Variants in TTC17 observed in about 807,000 individuals in gnomAD.
The protein encoded by TTC17 is tetratricopeptide repeat domain 17.
Under a neutral mutation model 143.8 loss-of-function variants are expected in TTC17, and 58 were observed. That is an observed-to-expected ratio of 0.40 (90% confidence interval 0.33 to 0.50). TTC17 has a LOEUF of 0.50. Ranked by LOEUF, TTC17 falls within the 20% of genes least tolerant of loss-of-function variation. TTC17 has a pLI of 0.49. For missense variants in TTC17, 1,273 were observed against 1,392.5 expected (o/e 0.91, Z 1.37); for synonymous variants, 501 against 497.8 (o/e 1.01, Z -0.09).
At chr11:43,361,970 CATT>C (rs1399351827) in intron 1 of TTC17, among the ~76,000 whole-genome samples, 1 of 149,710 alleles carries the variant, frequency 6.7e-6, no homozygotes, top group African/African-American at 2.5e-5. Context: ...GTCCAACCAT[CATT>C]ATAACTTTTT....
At chr11:43,422,550 A>G (rs920849461) in intron 16 of TTC17, among the ~76,000 whole-genome samples, 2 of 152,242 alleles carry the variant, frequency 1.3e-5, no homozygotes, top group African/African-American at 4.8e-5. Context: ...TTTAAAGGTC[A>G]GGAAGAAAAA....
intron 16 of TTC17, among the ~76,000 whole-genome samples, chr11:43,442,483 G>A (rs922140235): frequency 1.3e-5 from 2 of 152,192 alleles, no homozygotes; most frequent in Non-Finnish European, 2.9e-5. Flanking sequence ...TTCATGGAAT[G>A]CACAGTGTAA....
At chr11:43,442,474 T>A (rs149425289) in intron 16 of TTC17, among the ~76,000 whole-genome samples, 1 of 152,228 alleles carries the variant, frequency 6.6e-6, no homozygotes, top group East Asian at 1.9e-4. Flanking sequence ...GGGATGACTT[T>A]CATGGAATGC....
intron 21 of TTC17, chr11:43,489,762 G>C (rs902629673): frequency 4.0e-5 from 6 of 150,796 alleles, no homozygotes; most frequent in African/African-American, 7.3e-5. Context: ...AGGAAAGGAG[G>C]GGGGAGGGGG....
At chr11:43,467,848 G>A (rs141171474) in intron 21 of TTC17, among the ~76,000 whole-genome samples, 3 of 150,854 alleles carry the variant, frequency 2.0e-5, no homozygotes, top group South Asian at 4.2e-4. Flanking sequence ...GGGAGATAAG[G>A]CAATAAAGGA....
chr11:43,477,201 G>C (rs569409194), intron 21 of TTC17, among the ~76,000 whole-genome samples: 2 of 152,144 alleles, frequency 1.3e-5, no homozygotes, highest in Non-Finnish European at 2.9e-5. Flanking sequence ...GAATTTTATT[G>C]TCCATATTGC....
At chr11:43,362,168 TG>T (rs1856140277) in intron 1 of TTC17, among the ~76,000 whole-genome samples, 1 of 149,420 alleles carries the variant, frequency 6.7e-6, no homozygotes, top group Non-Finnish European at 1.5e-5. Context: ...TGTGTGTGTG[TG>T]TGTGTGTGTG....
chr11:43,421,613 A>G (rs1946906797), intron 16 of TTC17, among the ~76,000 whole-genome samples: 1 of 152,166 alleles, frequency 6.6e-6, no homozygotes, highest in Non-Finnish European at 1.5e-5. Flanking sequence ...TAAACTATGC[A>G]TGCACGGGAT....
intron 1 of TTC17, among the ~76,000 whole-genome samples, chr11:43,369,036 C>T (rs1856460538): frequency 6.6e-6 from 1 of 152,230 alleles, no homozygotes; most frequent in Non-Finnish European, 1.5e-5. Flanking sequence ...CATGTCATCT[C>T]TTGTTCTAAC....
intron 1 of TTC17, among the ~76,000 whole-genome samples, chr11:43,369,902 C>T (rs1856497118): frequency 6.6e-6 from 1 of 152,166 alleles, no homozygotes; most frequent in African/African-American, 2.4e-5. Context: ...AGGCTTGAGC[C>T]ACTGCACCCG....
chr11:43,383,609 C>T (rs1378390486), intron 2 of TTC17, among the ~76,000 whole-genome samples: 2 of 152,002 alleles, frequency 1.3e-5, no homozygotes, highest in African/African-American at 4.8e-5. Context: ...GGTGGATCCG[C>T]CCACCTTGGC....
At chr11:43,418,235 A>C (rs1472502368) in intron 16 of TTC17, among the ~76,000 whole-genome samples, 1 of 152,206 alleles carries the variant, frequency 6.6e-6, no homozygotes, top group Non-Finnish European at 1.5e-5. Flanking sequence ...TGTTAGATTC[A>C]TGTGTTCTTA....
intron 8 of TTC17, 152 bp from the exon 9 acceptor site, chr11:43,399,736 A>G: frequency 1.5e-6 from 1 of 680,420 alleles, no homozygotes; most frequent in Non-Finnish European, 2.3e-6. Flanking sequence ...TTGCCCTAGT[A>G]TTCTTGAACT....
At chr11:43,452,371 G>C (rs1039300366) in intron 21 of TTC17, among the ~76,000 whole-genome samples, 1 of 151,990 alleles carries the variant, frequency 6.6e-6, no homozygotes, top group Non-Finnish European at 1.5e-5. Flanking sequence ...GCGGTGGCAC[G>C]CACCTGTAAT....
At position 43,358,987 on chromosome 11, in the gene TTC17, C is replaced by T. The variant is rs375826114; in HGVS notation, c.33C>T (p.Tyr11=). ...CGGCAGTAGGGGTTCGTGGCCGGTA[C>T]GAGCTGCCGCCTTGCTCCGGCCCAG... MAAAVGVRGR[Y]ELPPCSGPGW... The change falls in exon 1 of 24, where the codon TAC becomes TAT. Residue 11 remains tyrosine, a synonymous_variant. Transcript: ENST00000039989. The T allele has an allele frequency of 5.1e-6, 8 of 1,579,516 alleles. No homozygotes were observed. Among genetic ancestry groups the T allele is most frequent in the African/African-American group, 4.2e-5 (3 of 72,090 alleles).
intron 21 of TTC17, among the ~76,000 whole-genome samples, chr11:43,468,912 A>C (rs1948035197): frequency 6.6e-6 from 1 of 152,184 alleles, no homozygotes; most frequent in South Asian, 2.1e-4. Flanking sequence ...AAAAAAATAA[A>C]ATGTATCTTC....
chr11:43,466,937 C>T (rs16937509), intron 21 of TTC17: 6,491 of 173,138 alleles, frequency 0.037, 153 homozygotes, highest in Non-Finnish European at 0.05. Context: ...AGGAGAGCAC[C>T]GTTCCACCCC....
At chr11:43,368,182 C>G (rs530228424) in intron 1 of TTC17, among the ~76,000 whole-genome samples, 1 of 151,844 alleles carries the variant, frequency 6.6e-6, no homozygotes, top group African/African-American at 2.4e-5. Flanking sequence ...GTTGGTGTGC[C>G]CCTTTTCTTC....
intron 21 of TTC17, among the ~76,000 whole-genome samples, chr11:43,471,726 TA>T (rs1948096124): frequency 6.6e-6 from 1 of 152,230 alleles, no homozygotes; most frequent in Admixed American, 6.5e-5. Context: ...ATTAAAGTAA[TA>T]ATACGTATTT....
Sources: allele counts gnomAD v4.1 joint callset (sites outside exome capture counted in the v4.1 genomes callset), GRCh38; gene constraint gnomAD v4.1.1; transcripts MANE v1.5; gene names NCBI Gene and HGNC (gene_info 2026-07-23, HGNC 2026-07-21).